The following NDUFAF5 variants were observed in gnomAD, a reference collection of about 807,000 sequenced individuals.
NDUFAF5 encodes the protein NADH:ubiquinone oxidoreductase complex assembly factor 5, also known as arginine-hydroxylase NDUFAF5, mitochondrial.
Under a neutral mutation model 48.9 loss-of-function variants are expected in NDUFAF5, and 34 were observed. The ratio of observed to expected loss-of-function variants is 0.70; its 90% CI spans 0.53 to 0.93. The LOEUF is 0.93. Among genes scored for constraint, NDUFAF5 ranks in the 40% least tolerant of loss-of-function variants. The pLI, the probability that NDUFAF5 is intolerant of heterozygous loss-of-function variation, is 0.00. For synonymous variants in NDUFAF5, 153 were observed against 150.6 expected, an observed-to-expected ratio of 1.02 and a Z score of -0.12; for missense variants, 428 against 427.5, an observed-to-expected ratio of 1.00 and a Z score of -0.01.
chr20:13,795,087 G>A, intron 5 of NDUFAF5, 146 bp downstream of exon 5: 1 of 658,282 alleles, frequency 1.5e-6, no homozygotes, highest in Non-Finnish European at 2.7e-6. Flanking sequence ...GAGGTCAGGA[G>A]TTTGAAACCA....
At chr20:13,798,351 T>A in intron 5 of NDUFAF5, 110 bp from the exon 6 acceptor site, 1 of 819,204 alleles carries the variant, frequency 1.2e-6, no homozygotes, top group Non-Finnish European at 2.1e-6. Context: ...GATATGCAGT[T>A]TTAAACTTCA....
intron 6 of NDUFAF5, among the ~76,000 whole-genome samples, chr20:13,800,083 A>C (rs1195157595): frequency 6.6e-6 from 1 of 152,134 alleles, no homozygotes; most frequent in Non-Finnish European, 1.5e-5. Context: ...CTGAGAGACA[A>C]ATGTCCAGGG....
At chr20:13,814,311 A>G (rs1028100803) in intron 8 of NDUFAF5, 1 of 492,518 alleles carries the variant, frequency 2.0e-6, no homozygotes, top group African/African-American at 2.0e-5. Flanking sequence ...GCTGACTAGA[A>G]GATCATGTTA....
At chr20:13,793,691 A>C (rs1468207981) in intron 4 of NDUFAF5, among the ~76,000 whole-genome samples, 2 of 152,230 alleles carry the variant, frequency 1.3e-5, no homozygotes, top group East Asian at 3.8e-4. Context: ...CTGCAGTGAA[A>C]ATCCTTATGT....
At chr20:13,792,672 C>T (rs983955878) in intron 3 of NDUFAF5, among the ~76,000 whole-genome samples, 3 of 151,942 alleles carry the variant, frequency 2.0e-5, no homozygotes, top group Admixed American at 6.6e-5. Flanking sequence ...AGCAGGATCC[C>T]GGAGAAAAGA....
At chr20:13,786,003 T>C (rs1270133299) in intron 1 of NDUFAF5, among the ~76,000 whole-genome samples, 1 of 152,152 alleles carries the variant, frequency 6.6e-6, no homozygotes, top group African/African-American at 2.4e-5. Flanking sequence ...ATCAGTGGAG[T>C]GATCTGACTT....
intron 8 of NDUFAF5, among the ~76,000 whole-genome samples, chr20:13,809,216 T>C (rs1331403798): frequency 2.0e-5 from 3 of 152,038 alleles, no homozygotes; most frequent in Non-Finnish European, 4.4e-5. Flanking sequence ...TTTTGAAGGG[T>C]GCACTTGAGG....
rs769030627 is a variant in NDUFAF5, at chr20:13,793,165, G to A, written c.328-15G>A. The A allele has an allele frequency of 6.2e-7, 1 of 1,613,854 alleles. No individual in the cohort carries two copies. The highest frequency in any genetic ancestry group is 8.5e-7 in the Non-Finnish European group (1 of 1,179,850). On this transcript the variant is annotated splice_polypyrimidine_tract_variant and intron_variant, in intron 3 of 10. Transcript: ENST00000378106. ...ACTGGATTTGTTTGTTTCAGCTTCA[G>A]TTATTCCATTGCAGGAAACTATTGG...
chr20:13,802,692 C>G (rs1439504180), intron 7 of NDUFAF5, among the ~76,000 whole-genome samples: 1 of 109,402 alleles, frequency 9.1e-6, no homozygotes, highest in Non-Finnish European at 1.9e-5. Context: ...AAAAAAAAAG[C>G]AAATGTTACT....
At chr20:13,815,348 A>T (rs921513075) in intron 8 of NDUFAF5, among the ~76,000 whole-genome samples, 1 of 152,162 alleles carries the variant, frequency 6.6e-6, no homozygotes, top group African/African-American at 2.4e-5. Context: ...AAGGTTATCC[A>T]GCTGCTTCAT....
At position 13,811,702 on chromosome 20, in the gene NDUFAF5, A is replaced by G. The variant is rs573434255; in HGVS notation, c.778+2800A>G. Among the ~76,000 whole-genome samples, 3 of 152,376 alleles carry G rather than the reference A, an allele frequency of 2.0e-5. No homozygotes were observed. The South Asian group carries it at 6.2e-4, about 32-fold the overall frequency. On this transcript the variant is annotated intron_variant, in intron 8 of 10. Coordinates refer to ENST00000378106, the MANE Select transcript of NDUFAF5 (RefSeq NM_024120.5). Reference sequence around the variant, plus strand: ...GAAAGAGGTTAGATATGCAAAATATATGCAAAAATAAACTATTACTTGAAA... The same window carrying G: ...GAAAGAGGTTAGATATGCAAAATATGTGCAAAAATAAACTATTACTTGAAA...
intron 8 of NDUFAF5, 37 bp downstream of exon 8, chr20:13,808,939 A>G (rs1398666133): frequency 5.0e-6 from 7 of 1,404,924 alleles, no homozygotes; most frequent in Non-Finnish European, 7.1e-6. Flanking sequence ...CTCCATTGGG[A>G]AAGGTAGGCC....
chr20:13,800,288 A>G (rs1256289904), intron 6 of NDUFAF5, among the ~76,000 whole-genome samples: 1 of 152,224 alleles, frequency 6.6e-6, no homozygotes, highest in Admixed American at 6.5e-5. Context: ...AAGCAACACT[A>G]AAGGTGAAGA....
At chr20:13,806,863 T>G (rs1985088130) in intron 7 of NDUFAF5, among the ~76,000 whole-genome samples, 1 of 151,894 alleles carries the variant, frequency 6.6e-6, no homozygotes, top group African/African-American at 2.4e-5. Context: ...ATAGAGAGAG[T>G]GATACAGTGG....
intron 8 of NDUFAF5, 71 bp downstream of exon 8, chr20:13,808,973 C>G: frequency 9.9e-7 from 1 of 1,007,998 alleles, no homozygotes; most frequent in South Asian, 1.3e-5. Context: ...TTTTAGACTC[C>G]ATTTGAGAGA....
At chr20:13,798,184 T>C (rs553682625) in intron 5 of NDUFAF5, among the ~76,000 whole-genome samples, 10 of 152,352 alleles carry the variant, frequency 6.6e-5, no homozygotes, top group Admixed American at 2.6e-4. Flanking sequence ...TTTTACATAA[T>C]TCAGTGATGA....
Position 13,816,483 on chromosome 20 carries a change from G to C in NDUFAF5, c.799G>C (p.Ala267Pro). ...DLQGMGESNC[A>P]WNRKALLHRD... ...TGTAGGTATGGGTGAGAGTAACTGT[G>C]CTTGGAATAGAAAAGCCCTGCTGCA... The change falls in exon 9 of 11, where the codon GCT becomes CCT. Residue 267 changes from alanine to proline, a missense_variant. Coordinates refer to ENST00000378106, the MANE Select transcript of NDUFAF5 (RefSeq NM_024120.5). 1 of 1,614,028 alleles carries C rather than the reference G, an allele frequency of 6.2e-7. No individual in the cohort carries two copies. The highest frequency in any genetic ancestry group is 8.5e-7 in the Non-Finnish European group (1 of 1,179,906).
At position 13,818,803 on chromosome 20, in the gene NDUFAF5, G is replaced by C. The variant is rs1036130837; in HGVS notation, c.*1593G>C. 3 of 155,102 alleles carry C rather than the reference G, an allele frequency of 1.9e-5. No homozygotes were observed. The highest frequency in any genetic ancestry group is 7.2e-5 in the African/African-American group (3 of 41,470). The allele number at this position is 155,102 out of a possible 1,614,324, so 9.6% of individuals were successfully genotyped here. ...GTGTTAAGTGGCTGTTGCTGAGGAAGGGGACTGAGGAACTGGGTGTGTCTG... is the reference window on the plus strand; with the variant it reads ...GTGTTAAGTGGCTGTTGCTGAGGAACGGGACTGAGGAACTGGGTGTGTCTG... On this transcript the variant is annotated 3_prime_UTR_variant, in exon 11 of 11. Transcript: ENST00000378106.
chr20:13,809,248 T>A (rs965733066), intron 8 of NDUFAF5, among the ~76,000 whole-genome samples: 1 of 152,226 alleles, frequency 6.6e-6, no homozygotes, highest in Non-Finnish European at 1.5e-5. Context: ...CATTGGTGAC[T>A]TCCTTCAGCC....
Sources: gnomAD v4.1 joint callset for allele counts (sites outside exome capture counted in the v4.1 genomes callset) on GRCh38, gnomAD v4.1.1 for gene constraint, MANE v1.5 for transcripts, NCBI Gene and HGNC (gene_info 2026-07-23, HGNC 2026-07-21) for gene names.